The following REDIC1 variants were observed in gnomAD, a reference collection of about 807,000 sequenced individuals.
REDIC1 encodes regulator of DNA class I crossover intermediates 1.
the REDIC1 span, chr12:39,864,961 C>CA: frequency 1.5e-6 from 2 of 1,292,088 alleles, no homozygotes; most frequent in Non-Finnish European, 2.1e-6. Context: ...AAAAACAAAC[C>CA]AAAAAACAAA....
At chr12:39,822,211 T>C in the REDIC1 span, among the ~76,000 whole-genome samples, 3 of 151,994 alleles carry the variant, frequency 2.0e-5, no homozygotes, top group Non-Finnish European at 4.4e-5. Flanking sequence ...AGAATGATGA[T>C]TTCCAAGATA....
chr12:39,869,311 T>C, the REDIC1 span, among the ~76,000 whole-genome samples: 1 of 152,210 alleles, frequency 6.6e-6, no homozygotes, highest in African/African-American at 2.4e-5. Context: ...CATTATCTTC[T>C]AGTAGGACCT....
chr12:39,896,738 A>G, the REDIC1 span, among the ~76,000 whole-genome samples: 8 of 152,048 alleles, frequency 5.3e-5, no homozygotes, highest in African/African-American at 1.9e-4. Context: ...CTAATAAAAC[A>G]TCTTGCAGTT....
the REDIC1 span, among the ~76,000 whole-genome samples, chr12:39,748,573 T>A: frequency 1.3e-5 from 2 of 152,154 alleles, no homozygotes; most frequent in African/African-American, 4.8e-5. Context: ...GCAGACCTAA[T>A]AGACATCTAC....
At chr12:39,896,352 G>GTATGTGTA in the REDIC1 span, among the ~76,000 whole-genome samples, 1 of 90,904 alleles carries the variant, frequency 1.1e-5, no homozygotes, top group Admixed American at 1.1e-4. Context: ...ATATATGTAT[G>GTATGTGTA]TATATGTGTA....
chr12:39,895,767 CATGT>C, the REDIC1 span, among the ~76,000 whole-genome samples: 3 of 10,372 alleles, frequency 2.9e-4, no homozygotes, highest in Non-Finnish European at 6.7e-4. Context: ...TACGTACACA[CATGT>C]ATATGCGTGT....
chr12:39,678,472 G>A, the REDIC1 span, among the ~76,000 whole-genome samples: 7 of 151,652 alleles, frequency 4.6e-5, no homozygotes, highest in Admixed American at 2.6e-4. Flanking sequence ...AAAAAAGTCC[G>A]GGACCAGATG....
the REDIC1 span, among the ~76,000 whole-genome samples, chr12:39,828,438 G>C: frequency 6.6e-6 from 1 of 152,046 alleles, no homozygotes; most frequent in South Asian, 2.1e-4. Flanking sequence ...GTGAGTTGTT[G>C]AATTAATTTT....
At chr12:39,760,208 A>C in the REDIC1 span, 2 of 1,612,828 alleles carry the variant, frequency 1.2e-6, no homozygotes, top group Non-Finnish European at 1.7e-6. Context: ...CCATAGATGA[A>C]AAGGAGTCCC....
the REDIC1 span, among the ~76,000 whole-genome samples, chr12:39,901,992 C>T: frequency 2.0e-5 from 3 of 151,998 alleles, no homozygotes; most frequent in Non-Finnish European, 2.9e-5. Flanking sequence ...CACATATACA[C>T]CATGGAATAC....
the REDIC1 span, among the ~76,000 whole-genome samples, chr12:39,645,376 A>G: frequency 0.12 from 18,777 of 151,986 alleles, 1,234 homozygotes; most frequent in Middle Eastern, 0.15. Flanking sequence ...CAAAACAGTT[A>G]TCTTTTTACT....
chr12:39,699,277 G>T, the REDIC1 span, among the ~76,000 whole-genome samples: 1 of 152,196 alleles, frequency 6.6e-6, no homozygotes, highest in East Asian at 1.9e-4. Flanking sequence ...GCGAGGCATT[G>T]CCTCACTCGG....
the REDIC1 span, among the ~76,000 whole-genome samples, chr12:39,839,050 T>C: frequency 9.9e-5 from 15 of 152,094 alleles, no homozygotes; most frequent in African/African-American, 1.4e-4. Flanking sequence ...TATGCATGAA[T>C]TGACACCTAT....
the REDIC1 span, chr12:39,736,876 C>G: frequency 6.6e-6 from 1 of 152,188 alleles, no homozygotes. Flanking sequence ...AGCCCAAGCA[C>G]TAGATGTGCA....
At chr12:39,783,160 G>C in the REDIC1 span, among the ~76,000 whole-genome samples, 1 of 152,088 alleles carries the variant, frequency 6.6e-6, no homozygotes, top group South Asian at 2.1e-4. Flanking sequence ...TGAGAATGAT[G>C]GTTTCCAGCT....
the REDIC1 span, chr12:39,646,987 A>C: frequency 1.3e-6 from 1 of 775,584 alleles, no homozygotes; most frequent in Non-Finnish European, 2.0e-6. Flanking sequence ...ATTTTAAAGA[A>C]AATTTTGAGT....
chr12:39,695,069 AGCCCTGGG>A, the REDIC1 span, among the ~76,000 whole-genome samples: 2 of 152,114 alleles, frequency 1.3e-5, no homozygotes, highest in Admixed American at 6.5e-5. Context: ...CTAACTGAGG[AGCCCTGGG>A]GCCCTGAATA....
At chr12:39,684,306 T>G in the REDIC1 span, 1 of 931,800 alleles carries the variant, frequency 1.1e-6, no homozygotes, top group Non-Finnish European at 1.3e-6. Context: ...TAGTCCTAAC[T>G]TTCTTGGTAA....
the REDIC1 span, among the ~76,000 whole-genome samples, chr12:39,873,433 C>T: frequency 6.6e-6 from 1 of 152,254 alleles, no homozygotes; most frequent in East Asian, 1.9e-4. Flanking sequence ...ACCTGTATGG[C>T]AATGTCAAAC....
Sources: allele counts gnomAD v4.1 joint callset (sites outside exome capture counted in the v4.1 genomes callset), GRCh38; gene constraint gnomAD v4.1.1; transcripts MANE v1.5; gene names NCBI Gene and HGNC (gene_info 2026-07-23, HGNC 2026-07-21).